The following TBC1D5 variants were observed in gnomAD, a reference collection of about 807,000 sequenced individuals.
The protein encoded by TBC1D5 is TBC1 domain family, member 5.
Under a neutral mutation model 100.3 loss-of-function variants are expected in TBC1D5, and 75 were observed. The observed-to-expected ratio is 0.75, with a 90% CI of 0.62 to 0.91. TBC1D5 has a LOEUF of 0.91. Ranked by LOEUF, TBC1D5 falls within the 40% of genes least tolerant of loss-of-function variation. The pLI, the probability that TBC1D5 is intolerant of heterozygous loss-of-function variation, is 0.00. For missense variants in TBC1D5, 910 were observed against 942.4 expected (o/e 0.97, Z 0.45); for synonymous variants, 323 against 325.6 (o/e 0.99, Z 0.09).
intron 1 of TBC1D5, among the ~76,000 whole-genome samples, chr3:17,633,880 T>C (rs184862895): frequency 6.9e-4 from 105 of 152,316 alleles, no homozygotes; most frequent in Middle Eastern, 3.4e-3. Flanking sequence ...TGGGAATAGT[T>C]AATATTATTT....
chr3:17,551,052 C>CTGTG (rs767136660), intron 2 of TBC1D5, among the ~76,000 whole-genome samples: 1 of 151,064 alleles, frequency 6.6e-6, no homozygotes, highest in Admixed American at 6.6e-5. Context: ...GTAAATAGCT[C>CTGTG]TGTGTGTGTG....
intron 17 of TBC1D5, among the ~76,000 whole-genome samples, chr3:17,236,903 G>GA (rs2075902762): frequency 6.6e-6 from 1 of 152,062 alleles, no homozygotes; most frequent in Non-Finnish European, 1.5e-5. Context: ...ACCAATAGAG[G>GA]AATACAGACA....
exon 1 of TBC1D5, chr3:17,740,667 A>G (rs2077353616): frequency 1.3e-5 from 2 of 152,324 alleles, no homozygotes; most frequent in African/African-American, 2.4e-5. Context: ...ACGACTCTCA[A>G]TTGTTTGCAA....
chr3:17,171,706 A>G (rs778129450), intron 19 of TBC1D5, among the ~76,000 whole-genome samples: 4 of 151,958 alleles, frequency 2.6e-5, no homozygotes, highest in Non-Finnish European at 5.9e-5. Context: ...ACTGAACTAC[A>G]TCTATAAAGA....
intron 8 of TBC1D5, among the ~76,000 whole-genome samples, chr3:17,399,135 A>C (rs564982263): frequency 1.3e-5 from 2 of 152,270 alleles, no homozygotes; most frequent in South Asian, 4.1e-4. Context: ...GAATAATGCC[A>C]GAAGCACTTG....
At chr3:17,602,692 C>A (rs2061052059) in intron 2 of TBC1D5, among the ~76,000 whole-genome samples, 1 of 150,038 alleles carries the variant, frequency 6.7e-6, no homozygotes. Context: ...CCTGTCTCAG[C>A]CTCCCAAGTA....
chr3:17,589,375 A>C (rs2096752182), intron 2 of TBC1D5, among the ~76,000 whole-genome samples: 1 of 152,112 alleles, frequency 6.6e-6, no homozygotes, highest in South Asian at 2.1e-4. Context: ...TCCCCACCCA[A>C]ATCTCATCTT....
chr3:17,490,466 C>T (rs1291920042), intron 3 of TBC1D5, among the ~76,000 whole-genome samples: 1 of 151,952 alleles, frequency 6.6e-6, no homozygotes, highest in African/African-American at 2.4e-5. Context: ...TTCACAGTTT[C>T]ATAGTTTAAG....
chr3:17,202,908 C>A (rs1435693105), intron 18 of TBC1D5, among the ~76,000 whole-genome samples: 1 of 152,208 alleles, frequency 6.6e-6, no homozygotes, highest in Admixed American at 6.5e-5. Flanking sequence ...TCTACTAGGG[C>A]AGTGCAGAGG....
intron 5 of TBC1D5, 136 bp downstream of exon 5, chr3:17,406,282 A>G (rs530444147): frequency 2.9e-6 from 2 of 693,398 alleles, no homozygotes; most frequent in Admixed American, 3.2e-5. Context: ...TGAAAGATAA[A>G]CATAGATGGT....
chr3:17,507,360 TTAAA>T (rs1381482675), intron 3 of TBC1D5, among the ~76,000 whole-genome samples: 1 of 152,048 alleles, frequency 6.6e-6, no homozygotes, highest in Non-Finnish European at 1.5e-5. Context: ...ATATAAAAAT[TTAAA>T]AATTAAATCA....
At chr3:17,178,206 C>T (rs891414127) in intron 19 of TBC1D5, among the ~76,000 whole-genome samples, 1 of 151,968 alleles carries the variant, frequency 6.6e-6, no homozygotes. Context: ...GCTGGGACTA[C>T]ATGCGCCCAC....
In TBC1D5 at chr3:17,181,192, C is replaced by A. The variant is rs183693420; in HGVS notation, c.1852+3917G>T. ...GGAGCTCACACACCTCATCTTAGAA[C>A]TAGCACATCCCAAATTCCAGCATCG... On this transcript the variant is annotated intron_variant, in intron 19 of 21. Transcript: ENST00000253692. Among the ~76,000 whole-genome samples the A allele has an allele frequency of 2.0e-3, 303 of 152,318 alleles. 2 individuals carry two copies. The highest frequency in any genetic ancestry group is 7.0e-3 in the African/African-American group (293 of 41,570).
At chr3:17,160,942 G>T in exon 22 of TBC1D5, 4 of 1,604,368 alleles carry the variant, frequency 2.5e-6, no homozygotes, top group Non-Finnish European at 3.4e-6. Context: ...GATCCCTGTG[G>T]GGCAGGACTG....
intron 2 of TBC1D5, among the ~76,000 whole-genome samples, chr3:17,568,504 A>G (rs2096606875): frequency 6.6e-6 from 1 of 151,484 alleles, no homozygotes; most frequent in African/African-American, 2.4e-5. Context: ...AAACTAGGAT[A>G]TTGCACTGGT....
chr3:17,647,522 A>T (rs554519641), intron 1 of TBC1D5, among the ~76,000 whole-genome samples: 1 of 152,068 alleles, frequency 6.6e-6, no homozygotes, highest in African/African-American at 2.4e-5. Flanking sequence ...ATAGTGGGGG[A>T]AAAATTTCTG....
chr3:17,381,361 TAA>T (rs2092936674), intron 9 of TBC1D5, among the ~76,000 whole-genome samples: 1 of 152,118 alleles, frequency 6.6e-6, no homozygotes, highest in Admixed American at 6.6e-5. Context: ...TAATTTGGGA[TAA>T]CTTTATCCTG....
At chr3:17,530,243 C>CAAAAA (rs57879135) in intron 2 of TBC1D5, among the ~76,000 whole-genome samples, 1 of 59,926 alleles carries the variant, frequency 1.7e-5, no homozygotes, top group Non-Finnish European at 3.8e-5. Flanking sequence ...GACTTCGTCT[C>CAAAAA]AAAAAAAAAA....
At chr3:17,499,075 T>TA (rs745828627) in intron 3 of TBC1D5, among the ~76,000 whole-genome samples, 160 of 152,136 alleles carry the variant, frequency 1.1e-3, no homozygotes, top group Non-Finnish European at 1.9e-3. Context: ...AAAGTTTAAT[T>TA]TTTTTCTTGC....
Sources: gnomAD v4.1 joint callset for allele counts (sites outside exome capture counted in the v4.1 genomes callset) on GRCh38, gnomAD v4.1.1 for gene constraint, MANE v1.5 for transcripts, NCBI Gene and HGNC (gene_info 2026-07-23, HGNC 2026-07-21) for gene names.